The following GRID2 variants were observed in gnomAD, a reference collection of about 807,000 sequenced individuals.
GRID2 encodes the protein glutamate receptor ionotropic, delta-2.
In GRID2, 33 loss-of-function variants were observed where a neutral mutation model predicts 114.8. That is an observed-to-expected ratio of 0.29 (90% CI 0.22 to 0.38). The LOEUF is 0.38. GRID2 is among the 10% of genes least tolerant of loss of function. GRID2 has a pLI of 1.00. For synonymous variants in GRID2, 505 were observed against 449.9 expected (o/e 1.12, Z -1.55); for missense variants, 1,184 against 1,257.7 (o/e 0.94, Z 0.89).
chr4:93,110,799 A>T lies in GRID2; in HGVS notation c.581A>T (p.Asp194Val), dbSNP rs1413326493. 1 of 1,612,916 alleles carries T rather than the reference A, an allele frequency of 6.2e-7. No individual in the cohort carries two copies. ...FLDKVSQQGM[D>V]VALQKVENNI... ...GACAAAGTCTCTCAGCAGGGAATGG[A>T]TGTTGCACTTCAGAAGGTAGAAAAC... Residue 194 changes from aspartate to valine, a missense_variant, in exon 4 of 16, where the codon GAT (aspartate) becomes GTT (valine). This residue lies in a region of GRID2 where 455 missense variants were observed against 429.5 expected (regional missense o/e 1.06). Transcript: ENST00000282020.
intron 10 of GRID2, among the ~76,000 whole-genome samples, chr4:93,440,788 C>A (rs908317257): frequency 6.6e-6 from 1 of 151,984 alleles, no homozygotes; most frequent in Non-Finnish European, 1.5e-5. Context: ...TCTAAATTTG[C>A]AGGTGATATT....
At chr4:92,448,869 A>C (rs1482901917) in intron 1 of GRID2, among the ~76,000 whole-genome samples, 1 of 152,098 alleles carries the variant, frequency 6.6e-6, no homozygotes, top group African/African-American at 2.4e-5. Flanking sequence ...TTTCAATCTC[A>C]TTATTCCTCA....
At chr4:93,687,459 C>G (rs773846750) in intron 14 of GRID2, among the ~76,000 whole-genome samples, 1 of 151,860 alleles carries the variant, frequency 6.6e-6, no homozygotes, top group Non-Finnish European at 1.5e-5. Flanking sequence ...GAAGGCTGAG[C>G]TTTAAGGCAT....
At chr4:92,345,761 A>G (rs142946296) in intron 1 of GRID2, among the ~76,000 whole-genome samples, 4 of 152,274 alleles carry the variant, frequency 2.6e-5, no homozygotes, top group Non-Finnish European at 5.9e-5. Flanking sequence ...AAAGCCCCCA[A>G]TACTTTTTTG....
chr4:93,350,017 A>G lies in GRID2; in HGVS notation c.1246-45590A>G, dbSNP rs145714343. 1.6e-3 allele frequency among the ~76,000 whole-genome samples: 250 copies of G among 152,162 alleles called. 2 individuals are homozygous for G. Among genetic ancestry groups the G allele is most frequent in the African/African-American group, 5.8e-3 (243 of 41,554 alleles). On this transcript the variant is annotated intron_variant, in intron 8 of 15. Transcript: ENST00000282020. Reference sequence around the variant, plus strand: ...TAACAGAAGACCAGGTATCAGTGGCATGTGATACGCACATAGTGTGCTCAG... The same window carrying G: ...TAACAGAAGACCAGGTATCAGTGGCGTGTGATACGCACATAGTGTGCTCAG...
chr4:92,960,989 C>G (rs1190244204), intron 2 of GRID2, among the ~76,000 whole-genome samples: 5 of 151,910 alleles, frequency 3.3e-5, no homozygotes, highest in African/African-American at 1.2e-4. Context: ...TCCAAGTCCA[C>G]CTTCAAGTAA....
chr4:93,432,434 G>T (rs1414123839), intron 10 of GRID2, among the ~76,000 whole-genome samples: 9 of 152,176 alleles, frequency 5.9e-5, no homozygotes, highest in Admixed American at 5.9e-4. Flanking sequence ...AAGATCAAAT[G>T]AAGTTGAAAA....
chr4:92,945,883 C>T (rs755582965), intron 2 of GRID2, among the ~76,000 whole-genome samples: 3 of 152,090 alleles, frequency 2.0e-5, no homozygotes, highest in Non-Finnish European at 4.4e-5. Context: ...AAGATCTATG[C>T]CCCCTTAACT....
chr4:92,828,834 A>T (rs1417073895), intron 2 of GRID2, among the ~76,000 whole-genome samples: 3 of 152,094 alleles, frequency 2.0e-5, no homozygotes, highest in African/African-American at 4.8e-5. Flanking sequence ...GTCTGTACAT[A>T]TTCTTCACCC....
At chr4:93,182,865 C>A (rs1384961907) in intron 4 of GRID2, among the ~76,000 whole-genome samples, 1 of 152,208 alleles carries the variant, frequency 6.6e-6, no homozygotes, top group Non-Finnish European at 1.5e-5. Flanking sequence ...ATCAGCATCA[C>A]CTGGCAAAGT....
chr4:93,081,873 C>G (rs1051192750), intron 2 of GRID2, among the ~76,000 whole-genome samples: 1 of 152,184 alleles, frequency 6.6e-6, no homozygotes, highest in African/African-American at 2.4e-5. Flanking sequence ...ACATGAAATT[C>G]TTGCAAAAGG....
intron 1 of GRID2, among the ~76,000 whole-genome samples, chr4:92,346,795 T>C (rs896566227): frequency 6.6e-6 from 1 of 152,210 alleles, no homozygotes; most frequent in Non-Finnish European, 1.5e-5. Flanking sequence ...AAAAATTTCA[T>C]ATGCAATTAA....
intron 2 of GRID2, among the ~76,000 whole-genome samples, chr4:92,846,514 A>G (rs918782475): frequency 6.6e-6 from 1 of 152,076 alleles, no homozygotes; most frequent in African/African-American, 2.4e-5. Context: ...TAGCTATGTA[A>G]TATCCCTTTG....
At chr4:93,737,595 G>A (rs905751019) in intron 14 of GRID2, among the ~76,000 whole-genome samples, 3 of 152,006 alleles carry the variant, frequency 2.0e-5, no homozygotes, top group African/African-American at 7.2e-5. Flanking sequence ...ATGAGTGTCT[G>A]TTAGCATTTC....
At chr4:92,678,190 C>G (rs1733475027) in intron 2 of GRID2, among the ~76,000 whole-genome samples, 1 of 152,018 alleles carries the variant, frequency 6.6e-6, no homozygotes, top group South Asian at 2.1e-4. Flanking sequence ...CGATTTCCTC[C>G]CCCTGCGTAT....
chr4:93,646,032 A>G (rs1371068425), intron 14 of GRID2, among the ~76,000 whole-genome samples: 1 of 152,200 alleles, frequency 6.6e-6, no homozygotes, highest in Non-Finnish European at 1.5e-5. Flanking sequence ...CAATCAGTAA[A>G]TATTTATTGA....
chr4:92,389,767 A>G (rs1227675391), intron 1 of GRID2, among the ~76,000 whole-genome samples: 1 of 152,082 alleles, frequency 6.6e-6, no homozygotes, highest in Non-Finnish European at 1.5e-5. Context: ...TTGTACTCAG[A>G]TAACCCTGTG....
chr4:93,291,349 G>GT (rs1468567931), intron 8 of GRID2, among the ~76,000 whole-genome samples: 1 of 152,084 alleles, frequency 6.6e-6, no homozygotes, highest in African/African-American at 2.4e-5. Flanking sequence ...TGTAATAGGG[G>GT]TTTAGTTTAG....
Position 92,549,141 on chromosome 4 carries a change from G to T in GRID2, c.89-40990G>T, listed in dbSNP as rs1018932123. ...CTTCCGCAAAAAAAAAAAAAAAAAT[G>T]AACACTTACCAAGTAATCTCAAATA... is the stretch of plus-strand genomic sequence containing the variant. On this transcript the variant is annotated intron_variant, in intron 1 of 15. Coordinates refer to ENST00000282020, the MANE Select transcript of GRID2 (RefSeq NM_001510.4). Among the ~76,000 whole-genome samples the T allele has an allele frequency of 2.1e-4, 27 of 126,326 alleles. 1 individual carries two copies. Among genetic ancestry groups the T allele is most frequent in the African/African-American group, 7.2e-4 (25 of 34,734 alleles). 82.9% of individuals were successfully genotyped at this position (126,326 alleles called of 152,430 possible). A position where few individuals can be genotyped will look rare whatever the true frequency, so the allele number is the denominator to read the frequency against.
Sources: allele counts gnomAD v4.1 joint callset (sites outside exome capture counted in the v4.1 genomes callset), GRCh38; gene constraint gnomAD v4.1.1; regional missense constraint gnomAD v4.1.1; transcripts MANE v1.5; gene names NCBI Gene and HGNC (gene_info 2026-07-23, HGNC 2026-07-21).